Variants in MYO16 observed in about 807,000 individuals in gnomAD.
The protein encoded by MYO16 is unconventional myosin-XVI.
In MYO16, 94 loss-of-function variants were observed where a neutral mutation model predicts 205.3. The ratio of observed to expected loss-of-function variants is 0.46; its 90% CI spans 0.39 to 0.54. MYO16 has a LOEUF of 0.54. Among genes scored for constraint, MYO16 ranks in the 20% least tolerant of loss-of-function variants. The probability of loss-of-function intolerance (pLI) is 0.00; values close to 1 mark genes in which losing one functional copy is unlikely to be tolerated. For synonymous variants in MYO16, 988 were observed against 954.0 expected, an observed-to-expected ratio of 1.04 and a Z score of -0.66; for missense variants, 2,315 against 2,387.5, an observed-to-expected ratio of 0.97 and a Z score of 0.63.
chr13:109,198,923 C>T (rs1198432109), intron 34 of MYO16, among the ~76,000 whole-genome samples: 2 of 151,970 alleles, frequency 1.3e-5, no homozygotes, highest in African/African-American at 2.4e-5. Context: ...GGTTTTTCAG[C>T]CACACTGACT....
intron 2 of MYO16, among the ~76,000 whole-genome samples, chr13:108,684,528 G>A (rs1882595696): frequency 6.6e-6 from 1 of 152,176 alleles, no homozygotes; most frequent in African/African-American, 2.4e-5. Flanking sequence ...TCTGACCTTA[G>A]TTTCTGACAC....
chr13:108,646,258 A>G (rs1237885767), intron 1 of MYO16, among the ~76,000 whole-genome samples: 1 of 152,190 alleles, frequency 6.6e-6, no homozygotes, highest in Non-Finnish European at 1.5e-5. Flanking sequence ...AGTTTTTAGC[A>G]TGCTTTTCTT....
chr13:109,032,385 C>T (rs570556714), intron 23 of MYO16, among the ~76,000 whole-genome samples: 7 of 152,266 alleles, frequency 4.6e-5, no homozygotes, highest in East Asian at 3.9e-4. Flanking sequence ...CCCACATCGT[C>T]GCACATATCC....
intron 16 of MYO16, among the ~76,000 whole-genome samples, chr13:108,925,974 A>T (rs1881981037): frequency 6.6e-6 from 1 of 152,200 alleles, no homozygotes; most frequent in South Asian, 2.1e-4. Context: ...GGGCCCTTGC[A>T]GCCTCCCTTC....
At chr13:109,099,658 A>G (rs1594085091) in intron 27 of MYO16, among the ~76,000 whole-genome samples, 1 of 152,112 alleles carries the variant, frequency 6.6e-6, no homozygotes, top group East Asian at 1.9e-4. Flanking sequence ...TATGTTACAC[A>G]CCAGACTGTA....
chr13:108,598,417 A>G (rs1478602582), intron 1 of MYO16, among the ~76,000 whole-genome samples: 1 of 152,204 alleles, frequency 6.6e-6, no homozygotes, highest in East Asian at 1.9e-4. Flanking sequence ...AAGATTTTTT[A>G]TTTCCATATT....
At chr13:108,555,036 A>G in the MYO16 span, among the ~76,000 whole-genome samples, 1 of 152,150 alleles carries the variant, frequency 6.6e-6, no homozygotes, top group Non-Finnish European at 1.5e-5. Flanking sequence ...TCTAGCAGGT[A>G]TTTAATAAGT....
At chr13:108,766,388 C>T (rs1039463908) in intron 4 of MYO16, among the ~76,000 whole-genome samples, 1 of 152,234 alleles carries the variant, frequency 6.6e-6, no homozygotes, top group Non-Finnish European at 1.5e-5. Context: ...TGCTACCTGG[C>T]AGCCTCTCCC....
At chr13:109,135,928 C>T (rs1876753512) in intron 31 of MYO16, among the ~76,000 whole-genome samples, 1 of 152,106 alleles carries the variant, frequency 6.6e-6, no homozygotes, top group South Asian at 2.1e-4. Context: ...GAAGCCCCTC[C>T]TTGATTTTTT....
chr13:108,595,953 C>A (rs1014512899), upstream of MYO16, among the ~76,000 whole-genome samples: 1 of 148,038 alleles, frequency 6.8e-6, no homozygotes, highest in African/African-American at 2.5e-5. Flanking sequence ...TGCACTCCAG[C>A]TCTCCAGTCA....
chr13:108,689,148 T>G (rs200533587), intron 2 of MYO16, among the ~76,000 whole-genome samples: 36,566 of 99,062 alleles, frequency 0.37, 4,400 homozygotes, highest in Middle Eastern at 0.49. Context: ...ATAACATACA[T>G]TGTTGATATG....
At chr13:108,501,271 G>T in the MYO16 span, among the ~76,000 whole-genome samples, 1 of 152,110 alleles carries the variant, frequency 6.6e-6, no homozygotes, top group Non-Finnish European at 1.5e-5. Flanking sequence ...AGATAAAAGC[G>T]AGCTTCCCTA....
intron 1 of MYO16, among the ~76,000 whole-genome samples, chr13:108,660,983 G>T (rs1197000375): frequency 6.6e-6 from 1 of 152,094 alleles, no homozygotes; most frequent in African/African-American, 2.4e-5. Context: ...GTTTGGTTAT[G>T]GCAAATTCTG....
intron 32 of MYO16, among the ~76,000 whole-genome samples, chr13:109,155,654 G>A (rs1015864686): frequency 7.9e-5 from 12 of 152,180 alleles, no homozygotes; most frequent in Admixed American, 3.3e-4. Context: ...AGACTCAGAC[G>A]CCCTCTCTTG....
At chr13:108,868,428 C>T (rs879457832) in intron 12 of MYO16, among the ~76,000 whole-genome samples, 2 of 152,060 alleles carry the variant, frequency 1.3e-5, no homozygotes, top group African/African-American at 2.4e-5. Context: ...TATCCTGTTT[C>T]GTGATGCGTG....
chr13:108,798,775 G>A (rs907536578), intron 6 of MYO16, among the ~76,000 whole-genome samples: 1 of 130,900 alleles, frequency 7.6e-6, no homozygotes, highest in Non-Finnish European at 1.5e-5. Context: ...GCGGAATCTC[G>A]GCTCACTGCA....
chr13:108,571,848 G>A, the MYO16 span, among the ~76,000 whole-genome samples: 1 of 150,632 alleles, frequency 6.6e-6, no homozygotes, highest in African/African-American at 2.4e-5. Flanking sequence ...GGAATTGACT[G>A]GAGAAAAGTT....
chr13:108,750,534 CGAG>C (rs1885198552), intron 4 of MYO16, among the ~76,000 whole-genome samples: 1 of 150,122 alleles, frequency 6.7e-6, no homozygotes, highest in Non-Finnish European at 1.5e-5. Flanking sequence ...TTTGGGAGGC[CGAG>C]GTGGGCTGAT....
chr13:108,637,223 T>C (rs547429916), intron 1 of MYO16, among the ~76,000 whole-genome samples: 1 of 152,324 alleles, frequency 6.6e-6, no homozygotes, highest in Admixed American at 6.5e-5. Context: ...GATATATCTT[T>C]GTGTTTTGCT....
Sources: gnomAD v4.1 joint callset for allele counts (sites outside exome capture counted in the v4.1 genomes callset) on GRCh38, gnomAD v4.1.1 for gene constraint, MANE v1.5 for transcripts, NCBI Gene and HGNC (gene_info 2026-07-23, HGNC 2026-07-21) for gene names.